Variants in SPATA3 observed in about 807,000 individuals in gnomAD.
The protein encoded by SPATA3 is spermatogenesis associated 3, also known as spermatogenesis-associated protein 3.
SPATA3 carries 6 observed loss-of-function variants against 5.7 expected under a neutral mutation model. That is an observed-to-expected ratio of 1.06 (90% CI 0.58 to 2.09). SPATA3 has a LOEUF of 2.09. Ranked by LOEUF, SPATA3 falls within the 30% of genes most tolerant of loss-of-function variation. SPATA3 has a pLI of 0.00. For missense variants in SPATA3, 155 were observed against 130.4 expected (o/e 1.19, Z -0.92); for synonymous variants, 44 against 48.4 (o/e 0.91, Z 0.37).
intron 6 of SPATA3, among the ~76,000 whole-genome samples, chr2:231,015,257 C>CTTTTTTT (rs35102459): frequency 4.0e-4 from 38 of 94,092 alleles, no homozygotes; most frequent in African/African-American, 7.6e-4. Flanking sequence ...ATCGTTTTGG[C>CTTTTTTT]TTTTTTTTTT....
chr2:231,012,456 TGGACTGTGTATAC>T (rs1193230468), intron 4 of SPATA3: 1 of 152,326 alleles, frequency 6.6e-6, no homozygotes, highest in Non-Finnish European at 1.5e-5. Context: ...CAGTCAAGAA[TGGACTGTGTATAC>T]CATATTCTGG....
At chr2:231,014,033 G>T (rs1361008643) in exon 6 of SPATA3, 1 of 151,948 alleles carries the variant, frequency 6.6e-6, no homozygotes, top group Non-Finnish European at 1.5e-5. Flanking sequence ...TCGAATAAAG[G>T]CCAGATAAAG....
intron 6 of SPATA3, among the ~76,000 whole-genome samples, chr2:231,015,390 G>A (rs967673957): frequency 6.7e-6 from 1 of 150,262 alleles, no homozygotes; most frequent in Non-Finnish European, 1.5e-5. Flanking sequence ...CCAGGACCTA[G>A]TCTTTGGAAT....
chr2:231,011,186 C>T (rs1383413799), downstream of SPATA3, among the ~76,000 whole-genome samples: 3 of 151,966 alleles, frequency 2.0e-5, no homozygotes, highest in Non-Finnish European at 4.4e-5. Context: ...TCAATCTTGG[C>T]TCACTGCAAC....
chr2:231,002,233 C>G (rs950634476), intron 2 of SPATA3, among the ~76,000 whole-genome samples: 2 of 152,144 alleles, frequency 1.3e-5, no homozygotes, highest in Admixed American at 1.3e-4. Flanking sequence ...TTTGAATGCC[C>G]TCCTCACAAT....
intron 6 of SPATA3, among the ~76,000 whole-genome samples, chr2:231,016,810 C>T (rs1424476783): frequency 1.3e-5 from 2 of 152,230 alleles, no homozygotes; most frequent in Non-Finnish European, 2.9e-5. Context: ...GTGCCCTCTC[C>T]TCTCTCCTCT....
At chr2:231,006,201 GA>G (rs34214730), downstream of SPATA3, among the ~76,000 whole-genome samples, 96,876 of 104,152 alleles carry the variant, frequency 0.93, 44,988 homozygotes, top group East Asian at 0.97. Context: ...CCTGTCTCAA[GA>G]AAAAAAAAAA....
intron 6 of SPATA3, among the ~76,000 whole-genome samples, chr2:231,017,112 T>A (rs1360408756): frequency 3.9e-5 from 6 of 152,200 alleles, no homozygotes; most frequent in Non-Finnish European, 5.9e-5. Context: ...TTAGTGCCCA[T>A]GGTACTGCTC....
At chr2:231,005,209 C>A, downstream of SPATA3, among the ~76,000 whole-genome samples, 1 of 147,968 alleles carries the variant, frequency 6.8e-6, no homozygotes, top group Non-Finnish European at 1.5e-5. Flanking sequence ...CCATCACCAT[C>A]ATCACCACCA....
chr2:231,007,551 G>A (rs559219978), downstream of SPATA3, among the ~76,000 whole-genome samples: 1 of 152,324 alleles, frequency 6.6e-6, no homozygotes, highest in East Asian at 1.9e-4. Context: ...TTAGTCATCT[G>A]CACCTCTGTC....
At chr2:230,999,296 C>T (rs1387528308) in intron 1 of SPATA3, among the ~76,000 whole-genome samples, 3 of 151,068 alleles carry the variant, frequency 2.0e-5, no homozygotes, top group African/African-American at 7.4e-5. Flanking sequence ...TGAAGACGTT[C>T]TGAAATTAGT....
chr2:231,000,740 C>T (rs2271373), intron 2 of SPATA3, among the ~76,000 whole-genome samples: 53,595 of 152,096 alleles, frequency 0.35, 9,704 homozygotes, highest in East Asian at 0.47. Flanking sequence ...CCGGGGTACC[C>T]ACCCCGCCTG....
intron 1 of SPATA3, among the ~76,000 whole-genome samples, chr2:230,998,706 A>C (rs1692228151): frequency 6.6e-6 from 1 of 152,216 alleles, no homozygotes. Context: ...GGATGGGTAT[A>C]ATCAGAAGGA....
downstream of SPATA3, chr2:231,002,889 C>A: frequency 2.7e-6 from 2 of 732,310 alleles, no homozygotes; most frequent in Non-Finnish European, 4.0e-6. Flanking sequence ...CAAGCCCCGG[C>A]CTCTCAAGGG....
downstream of SPATA3, among the ~76,000 whole-genome samples, chr2:231,004,326 T>C (rs3821002): frequency 0.36 from 55,121 of 151,970 alleles, 10,163 homozygotes; most frequent in South Asian, 0.46. Flanking sequence ...AGATAAGGTG[T>C]TAGAGGACAG....
rs1290336535 is a variant in SPATA3, at chr2:231,019,654, G to A, written c.*566-66G>A. On this transcript the variant is annotated intron_variant, in intron 6 of 8. Transcript: ENST00000452881. ...TCACTTTTATAAGTAGTATTGCAAT[G>A]AACATCCTTAAACACATATTTTTGC... 3 of 151,108 alleles carry A rather than the reference G, an allele frequency of 2.0e-5. 1 individual carries two copies. The highest frequency in any genetic ancestry group is 4.4e-5 in the Non-Finnish European group (3 of 67,734). 9.4% of individuals were successfully genotyped at this position (151,108 alleles called of 1,614,324 possible). A position where few individuals can be genotyped will look rare whatever the true frequency, so the allele number is the denominator to read the frequency against.
At chr2:230,996,377 G>A in intron 1 of SPATA3, 1 of 1,393,438 alleles carries the variant, frequency 7.2e-7, no homozygotes, top group East Asian at 3.6e-5. Context: ...CACCACAGCA[G>A]CCTAGCCCTG....
rs372370905 is a variant in SPATA3, at chr2:230,996,427, G to A, written c.791-3939G>A. On this transcript the variant is annotated intron_variant, in intron 1 of 2. Coordinates refer to ENST00000645363, the Ensembl canonical transcript of SPATA3. ...CATTCCAGCCTTGAAACCACCTCCCGGCAGCCAGCATTCCAAGCCCTTCCA... is the reference window on the plus strand; with the variant it reads ...CATTCCAGCCTTGAAACCACCTCCCAGCAGCCAGCATTCCAAGCCCTTCCA... 1.9e-5 allele frequency: 29 copies of A among 1,552,056 alleles called. No homozygotes were observed. Among genetic ancestry groups the A allele is most frequent in the Middle Eastern group, 1.7e-4 (1 of 6,020 alleles).
downstream of SPATA3, among the ~76,000 whole-genome samples, chr2:231,008,904 GCTCC>G (rs1692710364): frequency 6.6e-6 from 1 of 152,170 alleles, no homozygotes; most frequent in Non-Finnish European, 1.5e-5. Context: ...AGCAGCAACA[GCTCC>G]CAGCCTACAG....
Sources: gnomAD v4.1 joint callset for allele counts (sites outside exome capture counted in the v4.1 genomes callset) on GRCh38, gnomAD v4.1.1 for gene constraint, MANE v1.5 for transcripts, NCBI Gene and HGNC (gene_info 2026-07-23, HGNC 2026-07-21) for gene names.